CRIM1: variants seen among roughly 807,000 people sequenced by gnomAD.
CRIM1 encodes cysteine-rich motor neuron 1 protein.
In CRIM1, 32 loss-of-function variants were observed where a neutral mutation model predicts 116.4. That is an observed-to-expected ratio of 0.27 (90% CI 0.21 to 0.37). The LOEUF is 0.37. Among genes scored for constraint, CRIM1 ranks in the 10% least tolerant of loss-of-function variants. The pLI is 1.00. For synonymous variants in CRIM1, 590 were observed against 509.2 expected, an observed-to-expected ratio of 1.16 and a Z score of -2.13; for missense variants, 1,331 against 1,354.8, an observed-to-expected ratio of 0.98 and a Z score of 0.28.
At chr2:36,362,244 A>G (rs1207790386) in intron 1 of CRIM1, among the ~76,000 whole-genome samples, 1 of 152,208 alleles carries the variant, frequency 6.6e-6, no homozygotes, top group East Asian at 1.9e-4. Context: ...AGTGAAATAT[A>G]TGGATAAAAT....
chr2:36,396,567 G>T (rs1353371812), intron 1 of CRIM1, 47 bp from the exon 2 acceptor site: 1 of 1,372,504 alleles, frequency 7.3e-7, no homozygotes, highest in East Asian at 2.4e-5. Context: ...ACAGGCCTTT[G>T]AATGAAGCTG....
At chr2:36,454,249 T>C (rs893494266) in intron 4 of CRIM1, among the ~76,000 whole-genome samples, 1 of 152,148 alleles carries the variant, frequency 6.6e-6, no homozygotes, top group African/African-American at 2.4e-5. Flanking sequence ...CACTGTATTC[T>C]TTCTTGCCTT....
chr2:36,433,529 T>C (rs192782432), intron 2 of CRIM1, among the ~76,000 whole-genome samples: 8 of 152,284 alleles, frequency 5.3e-5, no homozygotes, highest in Admixed American at 3.9e-4. Context: ...ATTGTAAAGA[T>C]TCTCTGTTTG....
chr2:36,378,086 T>G (rs1295338354), intron 1 of CRIM1, among the ~76,000 whole-genome samples: 3 of 152,218 alleles, frequency 2.0e-5, no homozygotes. Flanking sequence ...CTTTACCCTT[T>G]CTAAACTTAG....
At chr2:36,445,659 C>T (rs1249613616) in intron 4 of CRIM1, among the ~76,000 whole-genome samples, 2 of 152,128 alleles carry the variant, frequency 1.3e-5, no homozygotes, top group Non-Finnish European at 1.5e-5. Flanking sequence ...TATACTCAAG[C>T]TGTGGCTTAG....
At position 36,544,545 on chromosome 2, in the gene CRIM1, A is replaced by G. The variant is rs753702903; in HGVS notation, c.2746+47A>G. 8 of 1,311,564 alleles carry G rather than the reference A, an allele frequency of 6.1e-6. No homozygotes were observed. The South Asian group carries it at 2.2e-4, about 36-fold the overall frequency. The allele number at this position is 1,311,564 out of a possible 1,614,324, so 81.2% of individuals were successfully genotyped here. A position where few individuals can be genotyped will look rare whatever the true frequency, so the allele number is the denominator to read the frequency against. ...GATCTGCTAGTTTTCTATGTGGTCTACTTAGGTGTTTTCTAATTTTTAAAA... is the reference window on the plus strand; with the variant it reads ...GATCTGCTAGTTTTCTATGTGGTCTGCTTAGGTGTTTTCTAATTTTTAAAA... On this transcript the variant is annotated intron_variant, in intron 15 of 16. Coordinates refer to ENST00000280527, the MANE Select transcript of CRIM1 (RefSeq NM_016441.3).
chr2:36,512,640 C>A (rs2125111880), intron 10 of CRIM1, among the ~76,000 whole-genome samples: 1 of 152,306 alleles, frequency 6.6e-6, no homozygotes, highest in East Asian at 1.9e-4. Flanking sequence ...CACTTCCTAG[C>A]TCTTTTTACT....
At chr2:36,444,074 G>T (rs557305925) in intron 4 of CRIM1, among the ~76,000 whole-genome samples, 2 of 152,198 alleles carry the variant, frequency 1.3e-5, no homozygotes, top group Non-Finnish European at 2.9e-5. Context: ...TGTCCCTTCA[G>T]GGTCTTCCTG....
chr2:36,388,482 A>G (rs142144560), intron 1 of CRIM1, among the ~76,000 whole-genome samples: 49 of 152,332 alleles, frequency 3.2e-4, no homozygotes, highest in Middle Eastern at 6.8e-3. Flanking sequence ...AGAATCAAAC[A>G]CAAGGATAAA....
chr2:36,526,631 C>T (rs1665775917), intron 13 of CRIM1, among the ~76,000 whole-genome samples: 1 of 152,162 alleles, frequency 6.6e-6, no homozygotes, highest in Non-Finnish European at 1.5e-5. Context: ...GCCCTGACCA[C>T]ATCAACCTTG....
At chr2:36,494,546 A>G (rs1680451447) in intron 7 of CRIM1, among the ~76,000 whole-genome samples, 1 of 152,154 alleles carries the variant, frequency 6.6e-6, no homozygotes, top group Admixed American at 6.5e-5. Flanking sequence ...TCCTGACACA[A>G]TCCCAAGGGT....
intron 2 of CRIM1, among the ~76,000 whole-genome samples, chr2:36,398,316 C>T (rs994633934): frequency 3.5e-4 from 53 of 152,150 alleles, no homozygotes; most frequent in Non-Finnish European, 1.3e-4. Context: ...CCTGAACATG[C>T]CCTCTTCACT....
chr2:36,494,133 T>A (rs957465714), intron 7 of CRIM1, among the ~76,000 whole-genome samples: 2 of 152,220 alleles, frequency 1.3e-5, no homozygotes, highest in Non-Finnish European at 2.9e-5. Flanking sequence ...TATTTATGGT[T>A]TAGTACCGTG....
chr2:36,425,107 C>T (rs1033425758), intron 2 of CRIM1, among the ~76,000 whole-genome samples: 8 of 152,172 alleles, frequency 5.3e-5, no homozygotes, highest in Admixed American at 3.9e-4. Context: ...GCTAATGTTC[C>T]TCTTGTTCTT....
At chr2:36,501,040 AT>A (rs1680946106) in intron 8 of CRIM1, among the ~76,000 whole-genome samples, 1 of 152,156 alleles carries the variant, frequency 6.6e-6, no homozygotes, top group Non-Finnish European at 1.5e-5. Context: ...TTTCTGAAGA[AT>A]TTTCAGTTGT....
At chr2:36,370,315 A>T (rs879251072) in intron 1 of CRIM1, among the ~76,000 whole-genome samples, 6 of 151,880 alleles carry the variant, frequency 4.0e-5, no homozygotes, top group African/African-American at 1.5e-4. Context: ...GAAATGGAAG[A>T]CCTCTGTAGG....
intron 13 of CRIM1, among the ~76,000 whole-genome samples, chr2:36,534,520 G>C (rs1395000517): frequency 5.9e-5 from 8 of 134,596 alleles, no homozygotes; most frequent in Non-Finnish European, 1.3e-4. Flanking sequence ...GAGAGGGATA[G>C]GGAAGGGAGG....
Position 36,513,665 on chromosome 2 carries a change from C to T in CRIM1, c.1890C>T (p.Tyr630=), listed in dbSNP as rs1558389036. The T allele has an allele frequency of 1.9e-6, 3 of 1,614,246 alleles. No homozygotes were observed. In the South Asian group the frequency reaches 3.3e-5, roughly 18 times the overall value. The change falls in exon 11 of 17, where the codon TAC becomes TAT. Residue 630 remains tyrosine (Y), a synonymous_variant. Coordinates refer to ENST00000280527, the MANE Select transcript of CRIM1 (RefSeq NM_016441.3). ...GGCACGATGGGTGCCGGGAATGCTA[C>T]TGTCTCAATGGACGGGAAATGTGTG... The part of the protein sequence containing the change: ...ESWHDGCREC[Y]CLNGREMCAL...
At chr2:36,437,695 C>G (rs1051949599) in intron 2 of CRIM1, among the ~76,000 whole-genome samples, 2 of 152,206 alleles carry the variant, frequency 1.3e-5, no homozygotes, top group African/African-American at 4.8e-5. Context: ...TCGACTTACA[C>G]TTAAGACTGT....
Sources: gnomAD v4.1 joint callset for allele counts (sites outside exome capture counted in the v4.1 genomes callset) on GRCh38, gnomAD v4.1.1 for gene constraint, MANE v1.5 for transcripts, NCBI Gene and HGNC (gene_info 2026-07-23, HGNC 2026-07-21) for gene names.